GLIS3: variants seen among roughly 807,000 people sequenced by gnomAD.
GLIS3 encodes the protein zinc finger protein GLIS3.
A neutral mutation model predicts 78.6 loss-of-function variants in GLIS3; 53 were observed. The ratio of observed to expected loss-of-function variants is 0.67; its 90% CI spans 0.54 to 0.85. The LOEUF (loss-of-function observed/expected upper bound fraction) is 0.85, where lower values mean the gene tolerates loss of function less well. GLIS3 is among the 40% of genes least tolerant of loss of function. The probability of loss-of-function intolerance (pLI) is 0.00; values close to 1 mark genes in which losing one functional copy is unlikely to be tolerated. For missense variants in GLIS3, 1,703 were observed against 1,231.1 expected, an observed-to-expected ratio of 1.38 and a Z score of -5.74; for synonymous variants, 684 against 509.9, an observed-to-expected ratio of 1.34 and a Z score of -4.60.
rs1462548517 is a variant in GLIS3, at chr9:3,825,760, A to G, written c.*2512T>C. 1 of 152,262 alleles carries G rather than the reference A, an allele frequency of 6.6e-6. No homozygotes were observed. The highest frequency in any genetic ancestry group is 1.9e-4 in the East Asian group (1 of 5,198). 9.4% of individuals were successfully genotyped at this position (152,262 alleles called of 1,614,324 possible). ...TCTGGAAGGCATCTGAACGTGTCCT[A>G]TCCTGAGGCTGCAATCTCAAGCCTG... On this transcript the variant is annotated 3_prime_UTR_variant, in exon 11 of 11. Transcript: ENST00000381971.
At chr9:4,125,608 A>C in intron 3 of GLIS3, 126 bp downstream of exon 3, 1 of 761,632 alleles carries the variant, frequency 1.3e-6, no homozygotes, top group Non-Finnish European at 2.3e-6. Context: ...AAATTGAGAG[A>C]GTTGCTTGAG....
chr9:4,061,312 G>A (rs762933019), intron 4 of GLIS3, among the ~76,000 whole-genome samples: 3 of 149,034 alleles, frequency 2.0e-5, no homozygotes, highest in African/African-American at 5.0e-5. Context: ...GAGAACATGC[G>A]GTGTTTGGTT....
the GLIS3 span, among the ~76,000 whole-genome samples, chr9:4,486,270 A>G: frequency 6.6e-6 from 1 of 152,190 alleles, no homozygotes; most frequent in Non-Finnish European, 1.5e-5. Context: ...TCTCCCACAA[A>G]GAAGTGGAAG....
the GLIS3 span, among the ~76,000 whole-genome samples, chr9:4,459,582 A>G: frequency 6.6e-6 from 1 of 152,214 alleles, no homozygotes; most frequent in East Asian, 1.9e-4. Flanking sequence ...TGGGCAACAC[A>G]GTGAGACCTC....
intron 6 of GLIS3, among the ~76,000 whole-genome samples, chr9:3,928,924 A>C (rs1051019961): frequency 6.6e-6 from 1 of 152,214 alleles, no homozygotes; most frequent in Non-Finnish European, 1.5e-5. Flanking sequence ...GTCCATTTCG[A>C]TATCAGTCTA....
intron 8 of GLIS3, among the ~76,000 whole-genome samples, chr9:3,865,662 C>T (rs1820526568): frequency 6.6e-6 from 1 of 152,190 alleles, no homozygotes; most frequent in Non-Finnish European, 1.5e-5. Flanking sequence ...TTGTTACTGT[C>T]ATGACTCACT....
intron 2 of GLIS3, among the ~76,000 whole-genome samples, chr9:4,257,594 G>A (rs1198099996): frequency 2.7e-5 from 4 of 149,032 alleles, no homozygotes; most frequent in Non-Finnish European, 6.0e-5. Context: ...TATTTTTTGA[G>A]ACGGAGTCTC....
At chr9:3,859,941 AAAAG>A (rs1292085784) in intron 8 of GLIS3, among the ~76,000 whole-genome samples, 2 of 152,178 alleles carry the variant, frequency 1.3e-5, no homozygotes, top group Admixed American at 6.5e-5. Flanking sequence ...GCAAAAGAAA[AAAAG>A]AAAGGGAAGG....
intron 4 of GLIS3, among the ~76,000 whole-genome samples, chr9:4,045,299 G>A (rs1479830984): frequency 3.9e-5 from 6 of 152,086 alleles, no homozygotes; most frequent in Non-Finnish European, 8.8e-5. Flanking sequence ...CTAAAAAGCT[G>A]CAGGAAGATG....
the GLIS3 span, among the ~76,000 whole-genome samples, chr9:4,386,759 A>G: frequency 3.9e-5 from 6 of 152,200 alleles, 1 homozygote; most frequent in East Asian, 1.9e-4. Context: ...TCTATTCCCA[A>G]TGGAGAGGAT....
intron 4 of GLIS3, among the ~76,000 whole-genome samples, chr9:4,054,724 T>G (rs1826005758): frequency 6.6e-6 from 1 of 152,210 alleles, no homozygotes; most frequent in Non-Finnish European, 1.5e-5. Flanking sequence ...CTAGAACATT[T>G]TGAATCCAGA....
At chr9:4,313,930 T>C (rs1332162129) in intron 2 of GLIS3, among the ~76,000 whole-genome samples, 9 of 152,290 alleles carry the variant, frequency 5.9e-5, no homozygotes, top group South Asian at 2.1e-4. Flanking sequence ...AAAATATAAA[T>C]GTGTAAATGG....
chr9:4,151,126 A>C (rs948071037), intron 2 of GLIS3: 1 of 152,210 alleles, frequency 6.6e-6, no homozygotes, highest in African/African-American at 2.4e-5. Flanking sequence ...ATGCCTACTT[A>C]ACAACTGTGC....
rs111723814 is a variant in GLIS3 at position 4,074,139 on chromosome 9, T to C, written c.1710+43629A>G. On this transcript the variant is annotated intron_variant, in intron 4 of 10. Transcript: ENST00000381971. Reference sequence around the variant, plus strand: ...AATGCAAGTCACAAGTTAGTCTTCTTGCTAATTTATTGTTGAGCTAGCTCC... The same window carrying C: ...AATGCAAGTCACAAGTTAGTCTTCTCGCTAATTTATTGTTGAGCTAGCTCC... Among the ~76,000 whole-genome samples, 1,219 of 152,310 alleles carry C rather than the reference T, an allele frequency of 8.0e-3. 18 individuals are homozygous for C. Among genetic ancestry groups the C allele is most frequent in the African/African-American group, 0.027 (1,134 of 41,570 alleles).
the GLIS3 span, among the ~76,000 whole-genome samples, chr9:4,378,222 A>C: frequency 5.3e-5 from 8 of 152,284 alleles, 1 homozygote; most frequent in South Asian, 1.7e-3. Context: ...ATATATAATT[A>C]ATCCTCAGTC....
chr9:4,121,656 CACA>C (rs1564082454), intron 3 of GLIS3, among the ~76,000 whole-genome samples: 1 of 151,324 alleles, frequency 6.6e-6, no homozygotes, highest in African/African-American at 2.5e-5. Context: ...CACACACACA[CACA>C]CACCCCAAAG....
In GLIS3 at chr9:4,299,732, T is replaced by TA. The variant is rs773404955; in HGVS notation, c.-411dup. ...AGCTCATTCTCCCCTGCTACACACATACACACACAAATAATGTTTCTAAAA... is the reference window on the plus strand; with the variant it reads ...AGCTCATTCTCCCCTGCTACACACATAACACACACAAATAATGTTTCTAAAA... On this transcript the variant is annotated 5_prime_UTR_variant, in exon 1 of 11. Coordinates refer to ENST00000381971, the MANE Select transcript of GLIS3 (RefSeq NM_001042413.2). 4.6e-5 allele frequency: 7 copies of TA among 152,266 alleles called. No individual in the cohort carries two copies. Among genetic ancestry groups the TA allele is most frequent in the Non-Finnish European group, 1.0e-4 (7 of 68,094 alleles). 9.4% of individuals were successfully genotyped at this position (152,266 alleles called of 1,614,324 possible).
intron 4 of GLIS3, among the ~76,000 whole-genome samples, chr9:3,948,699 G>C (rs543277516): frequency 6.5e-4 from 99 of 152,270 alleles, no homozygotes; most frequent in African/African-American, 2.4e-3. Context: ...GAGAATATGG[G>C]TCTAATTATT....
intron 2 of GLIS3, among the ~76,000 whole-genome samples, chr9:4,127,866 C>T (rs1175631630): frequency 6.6e-6 from 1 of 152,148 alleles, no homozygotes; most frequent in Non-Finnish European, 1.5e-5. Context: ...TATCTATCTA[C>T]CTCTAAAACA....
Sources: gnomAD v4.1 joint callset for allele counts (sites outside exome capture counted in the v4.1 genomes callset) on GRCh38, gnomAD v4.1.1 for gene constraint, MANE v1.5 for transcripts, NCBI Gene and HGNC (gene_info 2026-07-23, HGNC 2026-07-21) for gene names.